Variants in RAD54B observed in about 807,000 individuals in gnomAD.
RAD54B encodes the protein DNA repair and recombination protein RAD54B.
In RAD54B, 78 loss-of-function variants were observed where a neutral mutation model predicts 95.8. The observed-to-expected ratio is 0.81, with a 90% CI of 0.68 to 0.98. The LOEUF (loss-of-function observed/expected upper bound fraction) is 0.98. RAD54B is among the 50% of genes least tolerant of loss of function. The pLI is 0.00. For synonymous variants in RAD54B, 328 were observed against 354.9 expected, an observed-to-expected ratio of 0.92 and a Z score of 0.85; for missense variants, 957 against 1,056.6, an observed-to-expected ratio of 0.91 and a Z score of 1.31.
chr8:94,459,136 G>GT (rs370770258), intron 2 of RAD54B, among the ~76,000 whole-genome samples: 18 of 151,840 alleles, frequency 1.2e-4, no homozygotes, highest in Admixed American at 5.3e-4. Context: ...ACTATGTTGG[G>GT]TTTTTTTAAC....
intron 14 of RAD54B, among the ~76,000 whole-genome samples, chr8:94,375,233 T>C (rs1563632350): frequency 6.6e-6 from 1 of 152,236 alleles, no homozygotes; most frequent in African/African-American, 2.4e-5. Context: ...TACACACTTA[T>C]GGGAAATAAC....
intron 14 of RAD54B, among the ~76,000 whole-genome samples, chr8:94,377,545 GAAAAAAAAA>G (rs71273330): frequency 0.06 from 4,242 of 70,618 alleles, 244 homozygotes; most frequent in Non-Finnish European, 0.074. Flanking sequence ...CCCTGTCTTG[GAAAAAAAAA>G]AAAAAAAAAA....
At position 94,380,174 on chromosome 8, in the gene RAD54B, T is replaced by C. The variant is rs747702171; in HGVS notation, c.2218A>G (p.Ile740Val). ...IGGSHLILYD[I>V]DWNPATDIQA... is the part of the protein sequence containing the mutation. ...ATGTCAGTGGCTGGATTCCAATCAA[T>C]GTCATAGAGAATTAAGTGAGATCCT... Residue 740 changes from isoleucine to valine, a missense_variant, in exon 12 of 15, where the codon ATT becomes GTT. Physicochemically the swap from Ile to Val is conservative, Grantham distance 29 (BLOSUM62 3). Transcript: ENST00000336148. The C allele has an allele frequency of 5.6e-6, 9 of 1,611,846 alleles. No homozygotes were observed. The highest frequency in any genetic ancestry group is 1.3e-5 in the African/African-American group (1 of 74,802).
chr8:94,401,415 T>C (rs2931631), intron 6 of RAD54B, among the ~76,000 whole-genome samples: 37,765 of 152,052 alleles, frequency 0.25, 5,578 homozygotes, highest in East Asian at 0.43. Context: ...TCTTAATGAA[T>C]AGTAAATACA....
intron 1 of RAD54B, among the ~76,000 whole-genome samples, chr8:94,470,675 T>C (rs894693471): frequency 6.6e-6 from 1 of 151,928 alleles, no homozygotes; most frequent in Non-Finnish European, 1.5e-5. Context: ...TGAGAATCGC[T>C]TGAACCCAGG....
intron 11 of RAD54B, among the ~76,000 whole-genome samples, chr8:94,386,191 G>C (rs957251745): frequency 7.9e-5 from 12 of 152,142 alleles, no homozygotes; most frequent in African/African-American, 2.9e-4. Context: ...AGAAAAATGA[G>C]GATGGATTCT....
In RAD54B at chr8:94,467,471, T is replaced by C. The variant is rs1430109924; in HGVS notation, c.69A>G (p.Pro23=). 38 of 1,613,662 alleles carry C rather than the reference T, an allele frequency of 2.4e-5. No homozygotes were observed. Among genetic ancestry groups the C allele is most frequent in the Non-Finnish European group, 3.1e-5 (37 of 1,179,866 alleles). ...CATTCAGACCTGGATTACTTCTTCCTGGAGGTATAAATTTTGGTTTTTTGA... is the reference window on the plus strand; with the variant it reads ...CATTCAGACCTGGATTACTTCTTCCCGGAGGTATAAATTTTGGTTTTTTGA... The part of the protein sequence containing the change: ...NSFKKPKFIP[P]GRSNPGLNEE... The change falls in exon 2 of 15, where the codon CCA becomes CCG. Residue 23 remains proline, a synonymous_variant. Coordinates refer to ENST00000336148, the MANE Select transcript of RAD54B (RefSeq NM_012415.3).
At chr8:94,403,702 C>T (rs1030336230) in intron 6 of RAD54B, among the ~76,000 whole-genome samples, 1 of 151,832 alleles carries the variant, frequency 6.6e-6, no homozygotes, top group Non-Finnish European at 1.5e-5. Context: ...ATTCTTATAA[C>T]CAGAATTAAA....
At chr8:94,430,500 G>C (rs553434891) in intron 3 of RAD54B, 1 of 935,418 alleles carries the variant, frequency 1.1e-6, no homozygotes, top group East Asian at 1.2e-4. Context: ...CATCAGAATC[G>C]CTAAAGGGTT....
chr8:94,436,886 G>A, intron 3 of RAD54B: 1 of 1,493,286 alleles, frequency 6.7e-7, no homozygotes, highest in Non-Finnish European at 8.9e-7. Flanking sequence ...TTCAAATTAA[G>A]TAGGCAGTTT....
intron 8 of RAD54B, among the ~76,000 whole-genome samples, chr8:94,397,729 T>C (rs908204953): frequency 5.3e-5 from 8 of 152,166 alleles, no homozygotes; most frequent in African/African-American, 1.9e-4. Flanking sequence ...CTCACTCTTC[T>C]TTTTTATTTA....
chr8:94,441,993 C>A (rs1312482933), intron 3 of RAD54B, among the ~76,000 whole-genome samples: 1 of 152,096 alleles, frequency 6.6e-6, no homozygotes, highest in Non-Finnish European at 1.5e-5. Context: ...AAAAAATCAA[C>A]CTAAGTGTCC....
chr8:94,403,196 A>G, intron 6 of RAD54B, among the ~76,000 whole-genome samples: 1 of 152,182 alleles, frequency 6.6e-6, no homozygotes. Context: ...GCAAAACAAA[A>G]CCAAAACAAA....
chr8:94,466,430 C>T (rs1388713870), intron 2 of RAD54B, among the ~76,000 whole-genome samples: 1 of 149,640 alleles, frequency 6.7e-6, no homozygotes, highest in South Asian at 2.1e-4. Flanking sequence ...TTGGGGGGGA[C>T]GGAGTCTTGC....
At chr8:94,445,130 G>C (rs1003076047) in intron 3 of RAD54B, among the ~76,000 whole-genome samples, 1 of 152,036 alleles carries the variant, frequency 6.6e-6, no homozygotes, top group African/African-American at 2.4e-5. Context: ...AGCAGATTTG[G>C]TGTCTGGTAA....
At chr8:94,392,372 T>C (rs2450566) in intron 9 of RAD54B, among the ~76,000 whole-genome samples, 137,730 of 151,994 alleles carry the variant, frequency 0.91, 62,821 homozygotes, top group Non-Finnish European at 0.96. Context: ...AGGGAACCTC[T>C]TGCCTCAGCC....
At chr8:94,461,706 C>T (rs569928721) in intron 2 of RAD54B, among the ~76,000 whole-genome samples, 44 of 152,062 alleles carry the variant, frequency 2.9e-4, no homozygotes, top group Non-Finnish European at 5.7e-4. Flanking sequence ...TTTACATTTT[C>T]TTCCATTTCC....
Position 94,475,073 on chromosome 8 carries a change from G to C in RAD54B, c.-89C>G, listed in dbSNP as rs892802142. 6.5e-6 allele frequency: 1 copy of C among 152,728 alleles called. No individual in the cohort carries two copies. Among genetic ancestry groups the C allele is most frequent in the African/African-American group, 2.4e-5 (1 of 41,602 alleles). The allele number at this position is 152,728 out of a possible 1,614,324, so 9.5% of individuals were successfully genotyped here. A position where few individuals can be genotyped will look rare whatever the true frequency, so the allele number is the denominator to read the frequency against. On this transcript the variant is annotated 5_prime_UTR_variant, in exon 1 of 15. Coordinates refer to ENST00000336148, the MANE Select transcript of RAD54B (RefSeq NM_012415.3). The stretch of plus-strand genomic sequence containing the variant: ...GGTAACCAGCTATCCCCTCGCCGCC[G>C]GAGAAGCTCAAGGATCCCGCCTCGG...
At position 94,458,348 on chromosome 8, in the gene RAD54B, T is replaced by C. The variant is rs1416776604; in HGVS notation, c.224A>G (p.Glu75Gly). The part of the protein sequence containing the change: ...LNLPSEESTR[E>G]INNRDNCSGK... ...ACTGCAATTATCTCTGTTATTGATT[T>C]CTCTAGTACTTTCTTCACTAGGCAG... Residue 75 changes from glutamate (E) to glycine (G), a missense_variant, in exon 3 of 15, where the codon GAA becomes GGA. Glu to Gly is a moderately conservative substitution (Grantham distance 98). Transcript: ENST00000336148. 2 of 1,610,028 alleles carry C rather than the reference T, an allele frequency of 1.2e-6. No individual in the cohort carries two copies. The highest frequency in any genetic ancestry group is 2.2e-5 in the East Asian group (1 of 44,644).
Sources: allele counts gnomAD v4.1 joint callset (sites outside exome capture counted in the v4.1 genomes callset), GRCh38; gene constraint gnomAD v4.1.1; transcripts MANE v1.5; gene names NCBI Gene and HGNC (gene_info 2026-07-23, HGNC 2026-07-21).